ESR1: variants seen among roughly 807,000 people sequenced by gnomAD.
The protein encoded by ESR1 is estrogen receptor 1, also known as estrogen receptor.
A neutral mutation model predicts 52.7 loss-of-function variants in ESR1; 12 were observed. The ratio of observed to expected loss-of-function variants is 0.23; its 90% CI spans 0.15 to 0.37. The LOEUF (loss-of-function observed/expected upper bound fraction) is 0.37. Ranked by LOEUF, ESR1 falls within the 10% of genes least tolerant of loss-of-function variation. The probability of loss-of-function intolerance (pLI) is 1.00; values close to 1 mark genes in which losing one functional copy is unlikely to be tolerated. For synonymous variants in ESR1, 305 were observed against 316.8 expected (o/e 0.96, Z 0.39); for missense variants, 584 against 779.7 (o/e 0.75, Z 2.99).
chr6:151,920,621 T>C (rs1351705791), intron 3 of ESR1, among the ~76,000 whole-genome samples: 10 of 152,156 alleles, frequency 6.6e-5, no homozygotes, highest in Non-Finnish European at 1.3e-4. Flanking sequence ...GAGACTTTCA[T>C]TGTTTTTGAT....
chr6:152,003,733 C>T (rs563486856), intron 4 of ESR1, among the ~76,000 whole-genome samples: 2 of 152,014 alleles, frequency 1.3e-5, no homozygotes, highest in African/African-American at 2.4e-5. Flanking sequence ...TCTTCATACT[C>T]CCCTTTGTCA....
intron 4 of ESR1, among the ~76,000 whole-genome samples, chr6:151,978,279 A>C (rs964833824): frequency 6.6e-6 from 1 of 152,182 alleles, no homozygotes; most frequent in Non-Finnish European, 1.5e-5. Flanking sequence ...TAGCAGAAGA[A>C]AGATTTAGTC....
At chr6:152,057,933 G>T (rs1004054601) in intron 5 of ESR1, among the ~76,000 whole-genome samples, 5 of 152,070 alleles carry the variant, frequency 3.3e-5, no homozygotes, top group African/African-American at 7.2e-5. Context: ...GAAACTATGG[G>T]AGACGATTGA....
intron 1 of ESR1, among the ~76,000 whole-genome samples, chr6:151,680,138 G>A (rs1247858843): frequency 6.6e-6 from 1 of 151,952 alleles, no homozygotes; most frequent in East Asian, 1.9e-4. Flanking sequence ...CAGGGTGCCA[G>A]CATGGTCTGG....
intron 6 of ESR1, among the ~76,000 whole-genome samples, chr6:152,073,082 A>G (rs1385770206): frequency 6.6e-6 from 1 of 152,244 alleles, no homozygotes; most frequent in Non-Finnish European, 1.5e-5. Context: ...TCCAACTAAG[A>G]AAATTATTCA....
rs1414065693 is a variant in ESR1, at chr6:152,098,928, A to T, written c.1750A>T (p.Ile584Phe). 1 of 1,614,202 alleles carries T rather than the reference A, an allele frequency of 6.2e-7. No homozygotes were observed. Among genetic ancestry groups the T allele is most frequent in the East Asian group, 2.2e-5 (1 of 44,876 alleles). ...TSSHSLQKYY[I>F]TGEAEGFPAT... ...ATCGCATTCCTTGCAAAAGTATTAC[A>T]TCACGGGGGAGGCAGAGGGTTTCCC... The change falls in exon 8 of 8, where the codon ATC becomes TTC. Residue 584 changes from isoleucine (I) to phenylalanine (F), a missense_variant. Coordinates refer to ENST00000206249, the MANE Select transcript of ESR1 (RefSeq NM_000125.4). The surrounding 1 kb of genome is among the most constrained non-coding windows in gnomAD (Gnocchi z 5.1).
chr6:152,018,955 T>C (rs2043392655), intron 5 of ESR1, among the ~76,000 whole-genome samples: 1 of 152,182 alleles, frequency 6.6e-6, no homozygotes, highest in Admixed American at 6.5e-5. Flanking sequence ...GAAAGAGTTT[T>C]GCTAGTTTCT....
At chr6:151,746,969 A>C (rs954655084) in intron 2 of ESR1, among the ~76,000 whole-genome samples, 1 of 152,260 alleles carries the variant, frequency 6.6e-6, no homozygotes, top group African/African-American at 2.4e-5. Flanking sequence ...TCTGGCAGGG[A>C]GGAAAAGCCA....
At chr6:151,939,112 T>C (rs1160131214) in intron 3 of ESR1, among the ~76,000 whole-genome samples, 3 of 152,236 alleles carry the variant, frequency 2.0e-5, no homozygotes, top group Non-Finnish European at 4.4e-5. Flanking sequence ...TCAACCATTC[T>C]GGAAAATGGC....
chr6:151,971,524 C>T (rs753686773), intron 4 of ESR1, among the ~76,000 whole-genome samples: 32 of 151,972 alleles, frequency 2.1e-4, no homozygotes, highest in African/African-American at 6.5e-4. Context: ...CATGCAAAAC[C>T]GTGGAAACAA....
At chr6:151,849,994 A>ATATAATTTTGTATATATATATACAAAAT (rs1554268084) in intron 2 of ESR1, among the ~76,000 whole-genome samples, 1 of 105,082 alleles carries the variant, frequency 9.5e-6, no homozygotes, top group East Asian at 2.6e-4. Context: ...ATATATATAT[A>ATATAATTTTGTATATATATATACAAAAT]TATATATATA....
At position 151,781,804 on chromosome 6, in the gene ESR1, CA is replaced by C. The variant is rs567219037; in HGVS notation, c.-70-26028del. ...TTGTTTTAAAAAAAAGTATTGTGCA[CA>C]AAAAAAAAAACTACTTTCAGCATAG... On this transcript the variant is annotated intron_variant, in intron 2 of 2. Transcript: ENST00000404742. 1.3e-3 allele frequency among the ~76,000 whole-genome samples: 177 copies of C among 138,550 alleles called. 1 individual carries two copies. Among genetic ancestry groups the C allele is most frequent in the South Asian group, 0.011 (49 of 4,480 alleles). The allele number at this position is 138,550 out of a possible 152,430, so 90.9% of individuals were successfully genotyped here.
intron 2 of ESR1, among the ~76,000 whole-genome samples, chr6:151,741,697 G>A (rs1311563221): frequency 1.3e-5 from 2 of 152,058 alleles, no homozygotes; most frequent in African/African-American, 4.8e-5. Flanking sequence ...TACTTAAGGT[G>A]TACAACATGA....
chr6:152,048,985 T>A (rs9341003), intron 5 of ESR1, among the ~76,000 whole-genome samples: 3,588 of 152,330 alleles, frequency 0.024, 125 homozygotes, highest in African/African-American at 0.079. Flanking sequence ...GGTGAATAAC[T>A]GAGGTATTCT....
chr6:152,117,259 G>T (rs1355140182), intron 6 of ESR1, among the ~76,000 whole-genome samples: 2 of 152,200 alleles, frequency 1.3e-5, no homozygotes, highest in Non-Finnish European at 2.9e-5. Flanking sequence ...GCCTGGAATT[G>T]CTGTCGAAGT....
chr6:151,836,997 G>T (rs1783442373), intron 1 of ESR1, among the ~76,000 whole-genome samples: 1 of 152,170 alleles, frequency 6.6e-6, no homozygotes, highest in South Asian at 2.1e-4. Context: ...ATTACATTGA[G>T]CTTTAAACTT....
At chr6:151,818,327 C>T (rs1448120707) in intron 1 of ESR1, among the ~76,000 whole-genome samples, 3 of 152,160 alleles carry the variant, frequency 2.0e-5, no homozygotes, top group Non-Finnish European at 4.4e-5. Flanking sequence ...CTAGTGCCCA[C>T]ACTACTTGAC....
chr6:152,118,753 A>G (rs1271976290), intron 6 of ESR1, among the ~76,000 whole-genome samples: 1 of 152,156 alleles, frequency 6.6e-6, no homozygotes, highest in Non-Finnish European at 1.5e-5. Flanking sequence ...CACGTTCAGT[A>G]CATGTATCCC....
At chr6:151,706,996 G>A (rs1004537036) in intron 2 of ESR1, among the ~76,000 whole-genome samples, 1 of 152,112 alleles carries the variant, frequency 6.6e-6, no homozygotes, top group Non-Finnish European at 1.5e-5. Context: ...GCTGTGCTTC[G>A]ACCTTTATCC....
Sources: gnomAD v4.1 joint callset for allele counts (sites outside exome capture counted in the v4.1 genomes callset) on GRCh38, gnomAD v4.1.1 for gene constraint, Gnocchi (gnomAD v3.1) non-coding constraint, MANE v1.5 for transcripts, NCBI Gene and HGNC (gene_info 2026-07-23, HGNC 2026-07-21) for gene names.